TMEM232: variants seen among roughly 807,000 people sequenced by gnomAD.
The protein encoded by TMEM232 is transmembrane protein 232.
A neutral mutation model predicts 78.8 loss-of-function variants in TMEM232; 80 were observed. The ratio of observed to expected loss-of-function variants is 1.01; its 90% CI spans 0.85 to 1.22. The LOEUF is 1.22. Ranked by LOEUF, TMEM232 falls within the 50% of genes most tolerant of loss-of-function variation. The pLI is 0.00. For synonymous variants in TMEM232, 297 were observed against 254.3 expected, an observed-to-expected ratio of 1.17 and a Z score of -1.60; for missense variants, 881 against 742.2, an observed-to-expected ratio of 1.19 and a Z score of -2.17.
intron 13 of TMEM232, among the ~76,000 whole-genome samples, chr5:110,422,995 A>G (rs186199960): frequency 6.6e-6 from 1 of 152,348 alleles, no homozygotes; most frequent in East Asian, 1.9e-4. Context: ...GCTATGGAAT[A>G]CTAGCAATGT....
chr5:110,694,100 G>T (rs565885039), intron 1 of TMEM232, among the ~76,000 whole-genome samples: 45 of 152,190 alleles, frequency 3.0e-4, no homozygotes, highest in South Asian at 2.3e-3. Context: ...ACTAACAGCG[G>T]ATCTCTCGGC....
At chr5:110,427,503 T>C (rs1561481336) in intron 12 of TMEM232, among the ~76,000 whole-genome samples, 1 of 151,846 alleles carries the variant, frequency 6.6e-6, no homozygotes, top group Admixed American at 6.6e-5. Flanking sequence ...AAATGAACAG[T>C]AGAGAGAGAC....
chr5:110,635,734 C>T (rs1785715883), intron 5 of TMEM232, among the ~76,000 whole-genome samples: 1 of 151,044 alleles, frequency 6.6e-6, no homozygotes, highest in Non-Finnish European at 1.5e-5. Context: ...GTTAGAATGG[C>T]TATTATTAAA....
At chr5:110,544,797 T>C (rs1773578076) in intron 11 of TMEM232, among the ~76,000 whole-genome samples, 1 of 152,156 alleles carries the variant, frequency 6.6e-6, no homozygotes, top group South Asian at 2.1e-4. Context: ...GAGAACAGCA[T>C]GAGTAATTCC....
At chr5:110,392,866 T>C (rs547458631) in intron 3 of TMEM232, among the ~76,000 whole-genome samples, 41 of 152,316 alleles carry the variant, frequency 2.7e-4, no homozygotes, top group Admixed American at 2.2e-3. Context: ...TGTATGTCTA[T>C]ATCTAGGAGA....
At chr5:110,540,642 C>G (rs1182285266) in intron 11 of TMEM232, among the ~76,000 whole-genome samples, 1 of 152,168 alleles carries the variant, frequency 6.6e-6, no homozygotes, top group African/African-American at 2.4e-5. Context: ...AAATAGGGAG[C>G]ACTGGAGCTG....
intron 9 of TMEM232, among the ~76,000 whole-genome samples, chr5:110,605,839 A>T (rs1174426272): frequency 6.6e-6 from 1 of 152,110 alleles, no homozygotes; most frequent in Non-Finnish European, 1.5e-5. Flanking sequence ...AAGTGTTGAT[A>T]GAGATTTTAT....
At chr5:110,691,233 C>G (rs1027618548) in intron 1 of TMEM232, among the ~76,000 whole-genome samples, 4 of 151,674 alleles carry the variant, frequency 2.6e-5, no homozygotes, top group Non-Finnish European at 4.4e-5. Flanking sequence ...GGAAATATTT[C>G]CATTCCTATC....
At chr5:110,445,716 G>A (rs899728884) in intron 12 of TMEM232, among the ~76,000 whole-genome samples, 19 of 152,160 alleles carry the variant, frequency 1.2e-4, no homozygotes, top group African/African-American at 4.6e-4. Flanking sequence ...ACTATGGGAA[G>A]AGTCACTTAC....
At chr5:110,734,579 C>A (rs1398527994) in intron 2 of TMEM232, among the ~76,000 whole-genome samples, 1 of 152,232 alleles carries the variant, frequency 6.6e-6, no homozygotes. Flanking sequence ...AATGCTATAG[C>A]CTATCAAGTA....
intron 12 of TMEM232, among the ~76,000 whole-genome samples, chr5:110,524,048 A>G (rs1769995458): frequency 6.7e-6 from 1 of 150,158 alleles, no homozygotes; most frequent in Non-Finnish European, 1.5e-5. Context: ...GTGGATCACG[A>G]GTTCAGGAGT....
chr5:110,527,459 T>C lies in TMEM232; in HGVS notation c.1703+1129A>G, dbSNP rs758206007. On this transcript the variant is annotated intron_variant, in intron 12 of 13. Coordinates refer to ENST00000455884, the MANE Select transcript of TMEM232 (RefSeq NM_001039763.4). ...ACATAAGAAAGTATATATTCAGGAA[T>C]TGAATAAAATTTACAGTTAAGTTTA... Among the ~76,000 whole-genome samples, 6 of 151,898 alleles carry C rather than the reference T, an allele frequency of 4.0e-5. No homozygotes were observed. The East Asian group carries it at 5.8e-4, about 15-fold the overall frequency.
chr5:110,388,494 G>A (rs112363714), intron 4 of TMEM232, among the ~76,000 whole-genome samples: 27 of 152,228 alleles, frequency 1.8e-4, no homozygotes, highest in African/African-American at 6.5e-4. Context: ...TGATTTGGGG[G>A]TTGCTTTTTA....
intron 1 of TMEM232, among the ~76,000 whole-genome samples, chr5:110,712,105 CAAAAA>C (rs61482697): frequency 1.2e-4 from 8 of 65,424 alleles, no homozygotes; most frequent in African/African-American, 2.9e-4. Context: ...GACTCAATCT[CAAAAA>C]AAAAAAAAAA....
At chr5:110,477,478 T>G (rs1763372779) in intron 12 of TMEM232, among the ~76,000 whole-genome samples, 1 of 151,916 alleles carries the variant, frequency 6.6e-6, no homozygotes, top group South Asian at 2.1e-4. Context: ...CAAATAATTA[T>G]ATGTAATTAT....
chr5:110,467,543 A>T (rs1037694291), intron 12 of TMEM232, among the ~76,000 whole-genome samples: 15 of 152,254 alleles, frequency 9.9e-5, no homozygotes, highest in Admixed American at 3.3e-4. Flanking sequence ...CTTCAAAACT[A>T]TGAAAGCCAT....
At chr5:110,394,437 A>G (rs1280263797) in intron 3 of TMEM232, among the ~76,000 whole-genome samples, 1 of 152,188 alleles carries the variant, frequency 6.6e-6, no homozygotes, top group Non-Finnish European at 1.5e-5. Context: ...TCTTATCAAT[A>G]TACTGATTTC....
At chr5:110,697,277 C>G (rs369743631) in intron 1 of TMEM232, among the ~76,000 whole-genome samples, 1 of 152,164 alleles carries the variant, frequency 6.6e-6, no homozygotes, top group Non-Finnish European at 1.5e-5. Context: ...CCCTTCCTTA[C>G]ACCTTATACA....
chr5:110,423,067 C>A (rs555885809), intron 13 of TMEM232, among the ~76,000 whole-genome samples: 17 of 152,248 alleles, frequency 1.1e-4, no homozygotes, highest in Non-Finnish European at 1.9e-4. Flanking sequence ...CATATGATAA[C>A]CCTTCAACAA....
Sources: allele counts gnomAD v4.1 joint callset (sites outside exome capture counted in the v4.1 genomes callset), GRCh38; gene constraint gnomAD v4.1.1; transcripts MANE v1.5; gene names NCBI Gene and HGNC (gene_info 2026-07-23, HGNC 2026-07-21).